Variants in TUB observed in about 807,000 individuals in gnomAD.
TUB encodes TUB bipartite transcription factor.
TUB carries 33 observed loss-of-function variants against 59.7 expected under a neutral mutation model. The ratio of observed to expected loss-of-function variants is 0.55; its 90% CI spans 0.42 to 0.74. TUB has a LOEUF of 0.74. Among genes scored for constraint, TUB ranks in the 30% least tolerant of loss-of-function variants. TUB has a pLI of 0.00. For synonymous variants in TUB, 293 were observed against 256.4 expected, an observed-to-expected ratio of 1.14 and a Z score of -1.36; for missense variants, 659 against 672.0, an observed-to-expected ratio of 0.98 and a Z score of 0.21.
chr11:8,085,973 C>T (rs1448831417), intron 1 of TUB, among the ~76,000 whole-genome samples: 1 of 152,144 alleles, frequency 6.6e-6, no homozygotes, highest in African/African-American at 2.4e-5. Flanking sequence ...GAAGCTGCCA[C>T]CTCGTTGGTG....
upstream of TUB, among the ~76,000 whole-genome samples, chr11:8,037,801 G>A (rs1056044703): frequency 2.0e-5 from 3 of 152,182 alleles, no homozygotes; most frequent in Non-Finnish European, 4.4e-5. Context: ...GGAAGTGGGG[G>A]TCTTCTGAAG....
chr11:8,093,208 C>T (rs970633653), intron 3 of TUB, among the ~76,000 whole-genome samples: 5 of 151,874 alleles, frequency 3.3e-5, no homozygotes, highest in Admixed American at 6.6e-5. Flanking sequence ...GACATCCAAG[C>T]TGAAATCTGC....
At chr11:8,083,373 A>G (rs1274972212) in intron 1 of TUB, among the ~76,000 whole-genome samples, 1 of 152,186 alleles carries the variant, frequency 6.6e-6, no homozygotes, top group Non-Finnish European at 1.5e-5. Context: ...ACATGGTTCT[A>G]GAAAGCTTCT....
chr11:8,032,068 C>CA (rs1426535560), intron 1 of TUB, among the ~76,000 whole-genome samples: 1 of 152,006 alleles, frequency 6.6e-6, no homozygotes, highest in East Asian at 1.9e-4. Context: ...GGAGCAGCCG[C>CA]GACTGCACAG....
chr11:8,050,005 C>T (rs1293270852), intron 2 of TUB, among the ~76,000 whole-genome samples: 1 of 152,164 alleles, frequency 6.6e-6, no homozygotes, highest in Non-Finnish European at 1.5e-5. Flanking sequence ...TAAATGCACC[C>T]TCCCAAAGTA....
chr11:8,058,837 G>C (rs1484970949), intron 2 of TUB, among the ~76,000 whole-genome samples: 16 of 151,208 alleles, frequency 1.1e-4, no homozygotes. Context: ...GTTGATTTCT[G>C]GGACAGTCAT....
chr11:8,025,777 A>T (rs1487044607), intron 1 of TUB, among the ~76,000 whole-genome samples: 2 of 152,242 alleles, frequency 1.3e-5, no homozygotes, highest in African/African-American at 4.8e-5. Context: ...ATATTCATGT[A>T]CAGGTCTTTG....
intron 2 of TUB, among the ~76,000 whole-genome samples, chr11:8,050,198 T>C (rs187023944): frequency 3.3e-5 from 5 of 152,346 alleles, no homozygotes; most frequent in Middle Eastern, 3.4e-3. Context: ...TAGTATTCAA[T>C]TGTGTGACTG....
At chr11:8,039,126 G>C (rs972565308) in intron 1 of TUB, 3 of 1,440,704 alleles carry the variant, frequency 2.1e-6, no homozygotes, top group East Asian at 4.8e-5. Flanking sequence ...CAGTCCCAAG[G>C]CCTCCCCTTC....
rs1944492712 is a variant in TUB at position 8,105,102 on chromosome 11, T to A, written c.*3483T>A. On this transcript the variant is annotated 3_prime_UTR_variant, in exon 12 of 12. Coordinates refer to ENST00000299506, the MANE Select transcript of TUB (RefSeq NM_177972.3). ...GTGAGGGGAGATGCTGGGATAGCCA[T>A]TTCCATGGCTCTGTTATGCAAGCAC... is the stretch of plus-strand genomic sequence containing the variant. The A allele has an allele frequency of 6.6e-6, 1 of 152,170 alleles. No homozygotes were observed. The highest frequency in any genetic ancestry group is 2.4e-5 in the African/African-American group (1 of 41,432). The allele number at this position is 152,170 out of a possible 1,614,324, so 9.4% of individuals were successfully genotyped here. A position where few individuals can be genotyped will look rare whatever the true frequency, so the allele number is the denominator to read the frequency against.
In TUB at chr11:8,100,968, A is replaced by C. The variant is rs749880194; in HGVS notation, c.1358A>C (p.Lys453Thr). ...GGGCGCGTCACACAGGCCTCCGTGA[A>C]GAACTTCCAGATCATCCATGGCAAT... ...FHGRVTQASV[K>T]NFQIIHGNDP... The change falls in exon 11 of 12, where the codon AAG becomes ACG. Residue 453 changes from lysine (K) to threonine (T), a missense_variant. By Grantham distance (78) the Lys-to-Thr change is moderately conservative. Around this residue, in one of 3 missense-constraint regions of TUB, gnomAD observed 226 missense variants for 210.8 expected, o/e 1.07. Coordinates refer to ENST00000299506, the MANE Select transcript of TUB (RefSeq NM_177972.3). The C allele has an allele frequency of 6.2e-7, 1 of 1,614,226 alleles. No individual in the cohort carries two copies. The highest frequency in any genetic ancestry group is 8.5e-7 in the Non-Finnish European group (1 of 1,180,034).
chr11:8,045,977 C>T (rs551202184), intron 2 of TUB, among the ~76,000 whole-genome samples: 32 of 152,260 alleles, frequency 2.1e-4, no homozygotes, highest in Non-Finnish European at 3.2e-4. Flanking sequence ...TGGTTCATTC[C>T]CCAGCCTTGG....
Position 8,053,197 on chromosome 11 carries a change from C to T in TUB, c.203+13505C>T, listed in dbSNP as rs139035247. Among the ~76,000 whole-genome samples the T allele has an allele frequency of 2.3e-4, 35 of 152,310 alleles. No individual in the cohort carries two copies. In the East Asian group the frequency reaches 5.8e-3, roughly 25 times the overall value. Reference sequence around the variant, plus strand: ...GATGTATTAGATTAATAGGGTTACTCATATATAAACCATCTTTCCATTTCC... The same window carrying T: ...GATGTATTAGATTAATAGGGTTACTTATATATAAACCATCTTTCCATTTCC... On this transcript the variant is annotated intron_variant, in intron 2 of 12. Transcript: ENST00000305253.
At chr11:8,100,361 G>A (rs1038731126) in intron 9 of TUB, 142 bp from the exon 10 acceptor site, 18 of 679,246 alleles carry the variant, frequency 2.7e-5, no homozygotes, top group African/African-American at 7.1e-5. Flanking sequence ...AGTTCTGGCC[G>A]TGTTAGGTTT....
intron 2 of TUB, among the ~76,000 whole-genome samples, chr11:8,044,712 T>G (rs1942803170): frequency 6.6e-6 from 1 of 152,228 alleles, no homozygotes; most frequent in African/African-American, 2.4e-5. Flanking sequence ...TTCCCCCATT[T>G]CATAAGTCCC....
chr11:8,103,359 T>C lies in TUB; in HGVS notation c.*1740T>C, dbSNP rs1944388999. The C allele has an allele frequency of 6.6e-6, 1 of 152,226 alleles. No homozygotes were observed. The highest frequency in any genetic ancestry group is 2.4e-5 in the African/African-American group (1 of 41,468). 9.4% of individuals were successfully genotyped at this position (152,226 alleles called of 1,614,324 possible). On this transcript the variant is annotated 3_prime_UTR_variant, in exon 12 of 12. Coordinates refer to ENST00000299506, the MANE Select transcript of TUB (RefSeq NM_177972.3). ...AGCAAGCAGGGGTCGTACCTTGCTT[T>C]AGAGTAGATGTTTGGAAAAGCTAAG...
chr11:8,094,833 G>C (rs1943912249), intron 4 of TUB, among the ~76,000 whole-genome samples: 1 of 152,234 alleles, frequency 6.6e-6, no homozygotes, highest in Admixed American at 6.5e-5. Context: ...GTTGGACAGT[G>C]ATGTGTCACA....
chr11:8,031,116 G>A (rs1942565286), intron 1 of TUB, among the ~76,000 whole-genome samples: 2 of 152,232 alleles, frequency 1.3e-5, no homozygotes, highest in Admixed American at 1.3e-4. Context: ...TGTGTGCACA[G>A]GGGTGTGCCT....
Position 8,101,906 on chromosome 11 carries a change from T to C in TUB, c.*287T>C, listed in dbSNP as rs969897027. On this transcript the variant is annotated 3_prime_UTR_variant, in exon 12 of 12. Coordinates refer to ENST00000299506, the MANE Select transcript of TUB (RefSeq NM_177972.3). ...CCCTTGGGGTAGTAGTGTGTTGTAG[T>C]CGTACTTACCAAGCTGAGCAACCTC... is the stretch of plus-strand genomic sequence containing the variant. The C allele has an allele frequency of 2.2e-5, 9 of 407,940 alleles. No homozygotes were observed. Among genetic ancestry groups the C allele is most frequent in the African/African-American group, 1.6e-4 (8 of 50,052 alleles). The allele number at this position is 407,940 out of a possible 1,614,324, so 25.3% of individuals were successfully genotyped here.
Sources: gnomAD v4.1 joint callset for allele counts (sites outside exome capture counted in the v4.1 genomes callset) on GRCh38, gnomAD v4.1.1 for gene constraint, gnomAD v4.1.1 regional missense constraint, MANE v1.5 for transcripts, NCBI Gene and HGNC (gene_info 2026-07-23, HGNC 2026-07-21) for gene names.